Variants in EIPR1 observed in about 807,000 individuals in gnomAD.
EIPR1 encodes EARP complex and GARP complex interacting protein 1, also known as EARP and GARP complex-interacting protein 1.
Under a neutral mutation model 48.1 loss-of-function variants are expected in EIPR1, and 25 were observed. The ratio of observed to expected loss-of-function variants is 0.52; its 90% CI spans 0.38 to 0.73. The LOEUF is 0.73. Ranked by LOEUF, EIPR1 falls within the 30% of genes least tolerant of loss-of-function variation. EIPR1 has a pLI of 0.00. For missense variants in EIPR1, 415 were observed against 506.2 expected (o/e 0.82, Z 1.73); for synonymous variants, 204 against 201.9 (o/e 1.01, Z -0.09).
chr2:3,300,838 G>A (rs1192127963), intron 3 of EIPR1: 1 of 152,194 alleles, frequency 6.6e-6, no homozygotes, highest in Non-Finnish European at 1.5e-5. Context: ...TATAAACAGC[G>A]AGTGAGCGAG....
intron 1 of EIPR1, among the ~76,000 whole-genome samples, chr2:3,364,162 T>TAG (rs1312550988): frequency 3.3e-5 from 5 of 152,236 alleles, no homozygotes; most frequent in African/African-American, 7.2e-5. Context: ...CACTACTGGG[T>TAG]AGATATTCAA....
Position 3,218,338 on chromosome 2 carries a change from C to T in EIPR1, c.417-4090G>A, listed in dbSNP as rs555612393. On this transcript the variant is annotated intron_variant, in intron 4 of 8. Transcript: ENST00000382125. ...CAGTGAGTCAGGTGCACACCCAACA[C>T]GGCCCTGATACACTCTAGAGCTTTC... is the stretch of plus-strand genomic sequence containing the variant. 5.1e-4 allele frequency among the ~76,000 whole-genome samples: 74 copies of T among 146,504 alleles called. 2 individuals are homozygous for T. Among genetic ancestry groups the T allele is most frequent in the African/African-American group, 1.8e-3 (71 of 39,152 alleles).
At chr2:3,358,197 C>T (rs1212256691) in intron 1 of EIPR1, among the ~76,000 whole-genome samples, 1 of 152,100 alleles carries the variant, frequency 6.6e-6, no homozygotes, top group Non-Finnish European at 1.5e-5. Context: ...TCTTTCAAAA[C>T]CAGTTAAGAG....
At chr2:3,271,818 T>C (rs1262205444) in intron 3 of EIPR1, among the ~76,000 whole-genome samples, 1 of 152,250 alleles carries the variant, frequency 6.6e-6, no homozygotes, top group African/African-American at 2.4e-5. Context: ...AGAGTCAGCC[T>C]GTCCATTAAA....
chr2:3,347,320 C>T (rs1357923494), intron 2 of EIPR1, among the ~76,000 whole-genome samples: 1 of 152,188 alleles, frequency 6.6e-6, no homozygotes, highest in African/African-American at 2.4e-5. Context: ...CTTGAATTCC[C>T]ATGTGTTGTG....
At chr2:3,249,854 C>T (rs1666951136) in intron 4 of EIPR1, among the ~76,000 whole-genome samples, 1 of 152,190 alleles carries the variant, frequency 6.6e-6, no homozygotes, top group African/African-American at 2.4e-5. Context: ...AGGTACAGTT[C>T]CGGCAGGTGC....
intron 3 of EIPR1, among the ~76,000 whole-genome samples, chr2:3,281,327 G>A (rs185643387): frequency 6.6e-6 from 1 of 152,104 alleles, no homozygotes. Context: ...TCCAGTGAGC[G>A]TGCACATTTC....
intron 3 of EIPR1, among the ~76,000 whole-genome samples, chr2:3,326,031 C>T (rs377409255): frequency 2.6e-5 from 4 of 152,194 alleles, no homozygotes; most frequent in Admixed American, 6.5e-5. Flanking sequence ...GCTCCTGAGG[C>T]GGCTGCTCCC....
intron 2 of EIPR1, among the ~76,000 whole-genome samples, 175 bp from the exon 3 acceptor site, chr2:3,338,324 T>A (rs1670129779): frequency 6.6e-6 from 1 of 152,200 alleles, no homozygotes; most frequent in African/African-American, 2.4e-5. Flanking sequence ...ACTGGACTCC[T>A]CTCCAAAGAC....
chr2:3,319,456 G>A (rs989854782), intron 3 of EIPR1: 2 of 165,838 alleles, frequency 1.2e-5, no homozygotes, highest in Non-Finnish European at 2.6e-5. Context: ...GGTCATCTTC[G>A]TTATCCCGTT....
Position 3,189,641 on chromosome 2 carries a change from T to G in EIPR1, c.990-133A>C. The G allele has an allele frequency of 4.7e-6, 4 of 859,524 alleles. No individual in the cohort carries two copies. The highest frequency in any genetic ancestry group is 6.6e-6 in the Non-Finnish European group (4 of 603,670). 53.2% of individuals were successfully genotyped at this position (859,524 alleles called of 1,614,324 possible). A position where few individuals can be genotyped will look rare whatever the true frequency, so the allele number is the denominator to read the frequency against. Reference sequence around the variant, plus strand: ...GGCCTCAGCTTTCTCCGCTGTGGGATGGGAAGAATTAGAGGAGCCCACACC... The same window carrying G: ...GGCCTCAGCTTTCTCCGCTGTGGGAGGGGAAGAATTAGAGGAGCCCACACC... On this transcript the variant is annotated intron_variant, in intron 8 of 8. Coordinates refer to ENST00000382125, the MANE Select transcript of EIPR1 (RefSeq NM_003310.5). This position sits in a 1 kb window ranked among gnomAD's most constrained non-coding sequence, Gnocchi z 4.6.
rs1181194843 is a variant in EIPR1 at position 3,228,740 on chromosome 2, T to C, written c.417-14492A>G. Among the ~76,000 whole-genome samples, 3 of 152,202 alleles carry C rather than the reference T, an allele frequency of 2.0e-5. 1 individual carries two copies. The highest frequency in any genetic ancestry group is 7.2e-5 in the African/African-American group (3 of 41,448). On this transcript the variant is annotated intron_variant, in intron 4 of 8. Transcript: ENST00000382125. ...GGGGGCAATTTCTCCCATGCTGTTC[T>C]TGTGATAATGAGTGAGTCTCATGAG...
intron 3 of EIPR1, among the ~76,000 whole-genome samples, chr2:3,269,686 GCACTCAATCATCA>G (rs1398977955): frequency 2.2e-5 from 3 of 136,460 alleles, no homozygotes; most frequent in Non-Finnish European, 4.7e-5. Flanking sequence ...CGCAATCATC[GCACTCAATCATCA>G]CACTCAATCA....
At chr2:3,236,670 C>T (rs1666415039) in intron 4 of EIPR1, among the ~76,000 whole-genome samples, 1 of 152,160 alleles carries the variant, frequency 6.6e-6, no homozygotes, top group Non-Finnish European at 1.5e-5. Flanking sequence ...GGTGCAGGCC[C>T]TGGGCTACCT....
chr2:3,208,896 C>T (rs939420225), intron 5 of EIPR1: 9 of 1,548,308 alleles, frequency 5.8e-6, no homozygotes, highest in Non-Finnish European at 7.0e-6. Flanking sequence ...GGCCTCCAGC[C>T]TGGGAATGAT....
chr2:3,264,759 C>T (rs1212968723), intron 3 of EIPR1, among the ~76,000 whole-genome samples: 1 of 152,222 alleles, frequency 6.6e-6, no homozygotes, highest in African/African-American at 2.4e-5. Flanking sequence ...ACCATCTCGG[C>T]TCACTGCAAC....
chr2:3,194,737 C>T (rs1299004848), intron 6 of EIPR1, among the ~76,000 whole-genome samples: 3 of 150,640 alleles, frequency 2.0e-5, no homozygotes, highest in Non-Finnish European at 4.4e-5. Context: ...AGGAAGGGGC[C>T]GGCTATCTAT....
intron 4 of EIPR1, among the ~76,000 whole-genome samples, chr2:3,224,041 A>T (rs1170218416): frequency 1.3e-5 from 2 of 152,162 alleles, no homozygotes; most frequent in Non-Finnish European, 2.9e-5. Flanking sequence ...GTACTTTTTA[A>T]TGTCTGTTGT....
intron 5 of EIPR1, among the ~76,000 whole-genome samples, chr2:3,205,625 G>A (rs762565288): frequency 1.2e-4 from 18 of 152,290 alleles, no homozygotes; most frequent in South Asian, 1.0e-3. Flanking sequence ...CCTAACTGTG[G>A]CACCTCTAGT....
Sources: gnomAD v4.1 joint callset for allele counts (sites outside exome capture counted in the v4.1 genomes callset) on GRCh38, gnomAD v4.1.1 for gene constraint, Gnocchi (gnomAD v3.1) non-coding constraint, MANE v1.5 for transcripts, NCBI Gene and HGNC (gene_info 2026-07-23, HGNC 2026-07-21) for gene names.